LRRC4C: variants seen among roughly 807,000 people sequenced by gnomAD.
The protein encoded by LRRC4C is leucine rich repeat containing 4C.
In LRRC4C, 5 loss-of-function variants were observed where a neutral mutation model predicts 33.6. The observed-to-expected ratio is 0.15, with a 90% CI of 0.08 to 0.31. The LOEUF is 0.31. Among genes scored for constraint, LRRC4C ranks in the 10% least tolerant of loss-of-function variants. The probability of loss-of-function intolerance (pLI) is 1.00; values close to 1 mark genes in which losing one functional copy is unlikely to be tolerated. For missense variants in LRRC4C, 560 were observed against 796.7 expected, an observed-to-expected ratio of 0.70 and a Z score of 3.58; for synonymous variants, 329 against 302.0, an observed-to-expected ratio of 1.09 and a Z score of -0.93.
chr11:40,510,997 T>C (rs1043629444), intron 3 of LRRC4C, among the ~76,000 whole-genome samples: 2 of 152,146 alleles, frequency 1.3e-5, no homozygotes, highest in African/African-American at 2.4e-5. Flanking sequence ...AAGTAAGAAA[T>C]GGTTTCAGAG....
intron 3 of LRRC4C, among the ~76,000 whole-genome samples, chr11:40,510,705 C>T (rs141675350): frequency 1.3e-5 from 2 of 152,272 alleles, no homozygotes; most frequent in East Asian, 3.9e-4. Flanking sequence ...TGCTTGAAAT[C>T]TGGTGACCTT....
chr11:40,237,253 C>G (rs1305486172), intron 5 of LRRC4C, among the ~76,000 whole-genome samples: 1 of 152,130 alleles, frequency 6.6e-6, no homozygotes, highest in African/African-American at 2.4e-5. Context: ...AACTTTTACC[C>G]AATTCTCATC....
chr11:41,230,260 A>G (rs1947725240), intron 1 of LRRC4C, among the ~76,000 whole-genome samples: 1 of 152,080 alleles, frequency 6.6e-6, no homozygotes. Flanking sequence ...CATGACCACC[A>G]TTAGCTTAAA....
chr11:40,726,164 CAAA>C (rs372703808), intron 2 of LRRC4C, among the ~76,000 whole-genome samples: 6 of 136,312 alleles, frequency 4.4e-5, no homozygotes, highest in Non-Finnish European at 4.8e-5. Context: ...ACCTATCAAC[CAAA>C]AAAAAAAAAA....
intron 6 of LRRC4C, among the ~76,000 whole-genome samples, chr11:40,127,997 C>A (rs1267020158): frequency 6.6e-6 from 1 of 152,100 alleles, no homozygotes; most frequent in Non-Finnish European, 1.5e-5. Flanking sequence ...TGAAACAATG[C>A]TGAAGCACAA....
chr11:40,263,102 A>G (rs1178032663), intron 4 of LRRC4C, among the ~76,000 whole-genome samples: 1 of 152,174 alleles, frequency 6.6e-6, no homozygotes, highest in African/African-American at 2.4e-5. Flanking sequence ...AGTTTCCTGA[A>G]TATATTAGGA....
At chr11:40,820,727 C>A (rs908035991) in intron 2 of LRRC4C, among the ~76,000 whole-genome samples, 4 of 151,686 alleles carry the variant, frequency 2.6e-5, no homozygotes, top group Non-Finnish European at 5.9e-5. Context: ...AACCTACAAC[C>A]AAATCCTGTC....
Position 41,190,092 on chromosome 11 carries a change from G to A in LRRC4C, c.-495-256369C>T, listed in dbSNP as rs192200398. ...TGTGTTATGTAATAACTGTAAAAAC[G>A]GACATTCATAACTTTCTGTGTGATA... On this transcript the variant is annotated intron_variant, in intron 1 of 6. Transcript: ENST00000528697. Among the ~76,000 whole-genome samples, 25 of 152,230 alleles carry A rather than the reference G, an allele frequency of 1.6e-4. No individual in the cohort carries two copies. In the East Asian group the frequency reaches 3.1e-3, roughly 19 times the overall value.
At chr11:40,533,036 A>G (rs575248094) in intron 3 of LRRC4C, among the ~76,000 whole-genome samples, 3 of 152,210 alleles carry the variant, frequency 2.0e-5, no homozygotes, top group South Asian at 4.1e-4. Flanking sequence ...CCCTGATTCA[A>G]TTGCCTCCAC....
intron 1 of LRRC4C, among the ~76,000 whole-genome samples, chr11:41,438,429 A>G (rs1480943429): frequency 6.6e-6 from 1 of 152,216 alleles, no homozygotes; most frequent in Admixed American, 6.5e-5. Flanking sequence ...AGATGGAAGA[A>G]AACACTGAGA....
chr11:41,349,876 T>G (rs1951918838), intron 1 of LRRC4C, among the ~76,000 whole-genome samples: 1 of 152,214 alleles, frequency 6.6e-6, no homozygotes, highest in Non-Finnish European at 1.5e-5. Context: ...CCATTATATG[T>G]TAACATATGA....
At chr11:41,316,616 C>T (rs1950805394) in intron 1 of LRRC4C, among the ~76,000 whole-genome samples, 1 of 152,168 alleles carries the variant, frequency 6.6e-6, no homozygotes, top group African/African-American at 2.4e-5. Context: ...TTTTGTAGGA[C>T]TTCTTATATG....
rs565339363 is a variant in LRRC4C, at chr11:41,349,458, AAAAC to A, written c.-496+109969_-496+109972del. 4.2e-3 allele frequency among the ~76,000 whole-genome samples: 629 copies of A among 150,794 alleles called. 3 individuals are homozygous for A. Among genetic ancestry groups the A allele is most frequent in the African/African-American group, 0.013 (543 of 40,306 alleles). ...CTTAAACTTAAGGGGCTGGAGGAAA[AAAAC>A]AAAACAAAACAAAACAAAAAAACAA... On this transcript the variant is annotated intron_variant, in intron 1 of 6. Coordinates refer to ENST00000528697, the MANE Select transcript of LRRC4C (RefSeq NM_001258419.2).
rs1591950112 is a variant in LRRC4C, at chr11:40,870,859, A to T, written c.-407+62776T>A. ...CAATGTTCAGGGAACAAGAGAGATA[A>T]CCTTAAACTCTGACTGCCGGTGAGC... On this transcript the variant is annotated intron_variant, in intron 2 of 6. Coordinates refer to ENST00000528697, the MANE Select transcript of LRRC4C (RefSeq NM_001258419.2). Among the ~76,000 whole-genome samples the T allele has an allele frequency of 3.3e-5, 5 of 152,264 alleles. No individual in the cohort carries two copies. In the South Asian group the frequency reaches 1.0e-3, roughly 32 times the overall value.
chr11:40,961,414 T>G (rs1356547673), intron 1 of LRRC4C, among the ~76,000 whole-genome samples: 2 of 151,696 alleles, frequency 1.3e-5, no homozygotes, highest in Non-Finnish European at 2.9e-5. Context: ...TTCCAATCTC[T>G]CTTAGGCTTC....
chr11:40,497,409 A>G (rs1354903574), intron 3 of LRRC4C, among the ~76,000 whole-genome samples: 1 of 152,160 alleles, frequency 6.6e-6, no homozygotes, highest in Non-Finnish European at 1.5e-5. Flanking sequence ...CATTAAAAAA[A>G]AAAGTCATGA....
intron 5 of LRRC4C, among the ~76,000 whole-genome samples, chr11:40,198,068 T>C (rs1005921337): frequency 6.6e-6 from 1 of 152,112 alleles, no homozygotes. Context: ...CCAGCAGATA[T>C]GGCAGCAGTG....
At chr11:40,681,245 C>G (rs975996373) in intron 2 of LRRC4C, among the ~76,000 whole-genome samples, 3 of 152,096 alleles carry the variant, frequency 2.0e-5, no homozygotes, top group African/African-American at 7.2e-5. Flanking sequence ...TTCAAAACAA[C>G]CAGTACAAGA....
chr11:40,285,563 T>A (rs1358080070), intron 4 of LRRC4C, among the ~76,000 whole-genome samples: 1 of 152,188 alleles, frequency 6.6e-6, no homozygotes, highest in Non-Finnish European at 1.5e-5. Flanking sequence ...AATCTTTCTC[T>A]CCATTAGATA....
Sources: gnomAD v4.1 joint callset for allele counts (sites outside exome capture counted in the v4.1 genomes callset) on GRCh38, gnomAD v4.1.1 for gene constraint, MANE v1.5 for transcripts, NCBI Gene and HGNC (gene_info 2026-07-23, HGNC 2026-07-21) for gene names.